Variants in CDKAL1 observed in about 807,000 individuals in gnomAD.
The protein encoded by CDKAL1 is CDKAL1 threonylcarbamoyladenosine tRNA methylthiotransferase.
A neutral mutation model predicts 68.2 loss-of-function variants in CDKAL1; 32 were observed. The observed-to-expected ratio is 0.47, with a 90% CI of 0.35 to 0.63. The LOEUF (loss-of-function observed/expected upper bound fraction) is 0.63, where lower values mean the gene tolerates loss of function less well. CDKAL1 is among the 30% of genes least tolerant of loss of function. The pLI is 0.00. For missense variants in CDKAL1, 606 were observed against 696.7 expected (o/e 0.87, Z 1.47); for synonymous variants, 234 against 244.3 (o/e 0.96, Z 0.39).
intron 9 of CDKAL1, among the ~76,000 whole-genome samples, chr6:20,901,838 G>T (rs1008234596): frequency 6.6e-6 from 1 of 151,532 alleles, no homozygotes; most frequent in Non-Finnish European, 1.5e-5. Context: ...GTACCATGGC[G>T]CAATCTCAGC....
intron 11 of CDKAL1, among the ~76,000 whole-genome samples, chr6:21,057,619 T>A (rs1770906634): frequency 6.6e-6 from 1 of 152,140 alleles, no homozygotes; most frequent in Non-Finnish European, 1.5e-5. Context: ...GTTAAGATGT[T>A]GATTTGAGAT....
chr6:21,176,901 C>G (rs1393870902), intron 13 of CDKAL1, among the ~76,000 whole-genome samples: 1 of 151,662 alleles, frequency 6.6e-6, no homozygotes, highest in Non-Finnish European at 1.5e-5. Flanking sequence ...GTTTCACCAT[C>G]TTGGCCAGGC....
At chr6:20,744,605 A>T (rs754112243) in intron 6 of CDKAL1, among the ~76,000 whole-genome samples, 3 of 152,066 alleles carry the variant, frequency 2.0e-5, no homozygotes, top group Non-Finnish European at 4.4e-5. Flanking sequence ...ATTAGTTGGG[A>T]ATTTCTCTTT....
At chr6:20,685,086 G>A (rs951317229) in intron 5 of CDKAL1, among the ~76,000 whole-genome samples, 6 of 151,906 alleles carry the variant, frequency 3.9e-5, no homozygotes, top group African/African-American at 1.5e-4. Context: ...CAAACCTAAG[G>A]GCATCTAGAT....
chr6:20,655,078 G>A (rs1040792012), intron 5 of CDKAL1, among the ~76,000 whole-genome samples: 4 of 152,130 alleles, frequency 2.6e-5, no homozygotes, highest in African/African-American at 9.7e-5. Flanking sequence ...TATAGCTCTT[G>A]TGCATCTTTT....
chr6:20,909,825 G>T (rs1762388710), intron 9 of CDKAL1, among the ~76,000 whole-genome samples: 1 of 152,150 alleles, frequency 6.6e-6, no homozygotes, highest in South Asian at 2.1e-4. Context: ...TGAGCAGCAG[G>T]TCCTATTTCC....
At chr6:20,596,666 GTGAA>G (rs2127707057) in intron 4 of CDKAL1, among the ~76,000 whole-genome samples, 1 of 152,320 alleles carries the variant, frequency 6.6e-6, no homozygotes, top group South Asian at 2.1e-4. Context: ...TTCCAGGAGA[GTGAA>G]TGGTTCTTTC....
In CDKAL1 at chr6:20,677,237, A is replaced by G. The variant is rs371022141; in HGVS notation, c.371+27860A>G. 3.4e-4 allele frequency among the ~76,000 whole-genome samples: 50 copies of G among 149,002 alleles called. 2 individuals are homozygous for G. The highest frequency in any genetic ancestry group is 1.1e-3 in the African/African-American group (44 of 40,378). Reference sequence around the variant, plus strand: ...AGACACCTGCCACCAGGCCTGGCTAATTTTTGTATTATTAGTAGAGATGGG... The same window carrying G: ...AGACACCTGCCACCAGGCCTGGCTAGTTTTTGTATTATTAGTAGAGATGGG... On this transcript the variant is annotated intron_variant, in intron 5 of 15. Transcript: ENST00000274695.
At chr6:20,557,935 A>T (rs986409950) in intron 4 of CDKAL1, among the ~76,000 whole-genome samples, 12 of 152,096 alleles carry the variant, frequency 7.9e-5, no homozygotes, top group African/African-American at 2.9e-4. Context: ...CGTCTTAAAC[A>T]AACAAACAAA....
At chr6:20,769,034 C>G (rs1303121934) in intron 7 of CDKAL1, among the ~76,000 whole-genome samples, 1 of 152,156 alleles carries the variant, frequency 6.6e-6, no homozygotes, top group South Asian at 2.1e-4. Flanking sequence ...ACTCAGGCGT[C>G]CTGAGGTGGA....
At chr6:21,095,571 A>G (rs1364858805) in intron 12 of CDKAL1, among the ~76,000 whole-genome samples, 2 of 73,594 alleles carry the variant, frequency 2.7e-5, no homozygotes, top group East Asian at 4.3e-4. Context: ...CTTTCCCCCC[A>G]ACCCCCCTCC....
At chr6:20,787,038 C>T (rs114366727) in intron 8 of CDKAL1, among the ~76,000 whole-genome samples, 1 of 152,034 alleles carries the variant, frequency 6.6e-6, no homozygotes, top group Non-Finnish European at 1.5e-5. Flanking sequence ...TAAGATACTC[C>T]TATCAGATTA....
In CDKAL1 at chr6:20,547,263, A is replaced by C. The variant is rs371583278; in HGVS notation, c.173+740A>C. On this transcript the variant is annotated intron_variant, in intron 3 of 15. Coordinates refer to ENST00000274695, the MANE Select transcript of CDKAL1 (RefSeq NM_017774.3). ...TTGGTTAAAAAGAAATGAGATGTCA[A>C]ATTGGATGTTCCTAGAAGATAGCCT... Among the ~76,000 whole-genome samples the C allele has an allele frequency of 3.6e-4, 55 of 152,342 alleles. No homozygotes were observed. The South Asian group carries it at 0.011, about 31-fold the overall frequency.
intron 5 of CDKAL1, among the ~76,000 whole-genome samples, chr6:20,739,049 A>G (rs1291992871): frequency 1.3e-5 from 2 of 152,142 alleles, no homozygotes; most frequent in Admixed American, 6.5e-5. Context: ...CACGTAGGGT[A>G]TTATACCTTT....
At chr6:21,113,379 G>C (rs1251361419) in intron 13 of CDKAL1, among the ~76,000 whole-genome samples, 1 of 152,072 alleles carries the variant, frequency 6.6e-6, no homozygotes, top group Non-Finnish European at 1.5e-5. Context: ...AAACATGGTG[G>C]CTCATGCCTA....
intron 12 of CDKAL1, among the ~76,000 whole-genome samples, chr6:21,101,941 TA>T (rs149208811): frequency 0.014 from 2,093 of 152,282 alleles, 41 homozygotes; most frequent in African/African-American, 0.045. Context: ...TAGCTTAATT[TA>T]AGGTGTTATT....
chr6:20,666,665 C>T (rs943601563), intron 5 of CDKAL1, among the ~76,000 whole-genome samples: 8 of 149,696 alleles, frequency 5.3e-5, no homozygotes, highest in African/African-American at 7.4e-5. Context: ...GAGGGCTGAT[C>T]GCCCGCTGCA....
chr6:20,573,244 G>T (rs1764776753), intron 4 of CDKAL1, among the ~76,000 whole-genome samples: 1 of 152,066 alleles, frequency 6.6e-6, no homozygotes, highest in Non-Finnish European at 1.5e-5. Flanking sequence ...TACCTTGCTG[G>T]TCAGTGTTTG....
intron 7 of CDKAL1, among the ~76,000 whole-genome samples, chr6:20,778,706 A>G (rs1447945907): frequency 6.6e-6 from 1 of 152,240 alleles, no homozygotes; most frequent in Non-Finnish European, 1.5e-5. Flanking sequence ...TTGAGACCCA[A>G]GAAGAGCCAA....
Sources: allele counts gnomAD v4.1 joint callset (sites outside exome capture counted in the v4.1 genomes callset), GRCh38; gene constraint gnomAD v4.1.1; transcripts MANE v1.5; gene names NCBI Gene and HGNC (gene_info 2026-07-23, HGNC 2026-07-21).